Variants in PER2 observed in about 807,000 individuals in gnomAD.
PER2 encodes period circadian regulator 2.
Under a neutral mutation model 121.0 loss-of-function variants are expected in PER2, and 66 were observed. The observed-to-expected ratio is 0.55, with a 90% CI of 0.45 to 0.67. The LOEUF is 0.67. PER2 is among the 30% of genes least tolerant of loss of function. PER2 has a pLI of 0.00. For missense variants in PER2, 1,521 were observed against 1,635.0 expected (o/e 0.93, Z 1.20); for synonymous variants, 684 against 659.9 (o/e 1.04, Z -0.56).
At chr2:238,295,410 C>G in the PER2 span, 1 of 151,942 alleles carries the variant, frequency 6.6e-6, no homozygotes, top group Non-Finnish European at 1.5e-5. Flanking sequence ...GAGATGAGGT[C>G]TTGCTGGAGT....
At chr2:238,284,514 G>C (rs1021873853) in intron 1 of PER2, among the ~76,000 whole-genome samples, 1 of 151,984 alleles carries the variant, frequency 6.6e-6, no homozygotes, top group Admixed American at 6.6e-5. Context: ...TTGGAAGAGA[G>C]AGAATGAATT....
chr2:238,263,904 C>T (rs988417948), intron 9 of PER2, among the ~76,000 whole-genome samples: 10 of 151,770 alleles, frequency 6.6e-5, no homozygotes, highest in East Asian at 3.9e-4. Flanking sequence ...TCCTGGCATC[C>T]GTCCCATCAA....
intron 8 of PER2, among the ~76,000 whole-genome samples, chr2:238,267,711 G>C (rs1248436548): frequency 6.6e-6 from 1 of 152,194 alleles, no homozygotes; most frequent in Non-Finnish European, 1.5e-5. Flanking sequence ...CAGGGGATGA[G>C]GATGGGAAGG....
chr2:238,286,080 T>C (rs1574863733), intron 1 of PER2, among the ~76,000 whole-genome samples: 2 of 152,286 alleles, frequency 1.3e-5, no homozygotes, highest in African/African-American at 4.8e-5. Flanking sequence ...ACACCTTCAA[T>C]GATCTCAATT....
At chr2:238,277,097 A>C in intron 3 of PER2, 34 bp downstream of exon 3, 1 of 1,482,218 alleles carries the variant, frequency 6.7e-7, no homozygotes, top group Non-Finnish European at 9.4e-7. Context: ...AATTTCTCTA[A>C]AACCTCTATG....
Position 238,244,178 on chromosome 2 carries a change from A to G in PER2, c.*2197T>C, listed in dbSNP as rs1021469426. ...ACACAAACAAACCACTTGTCCAGCAAGGCTCAACAAATCATCACAGAAACT... is the reference window on the plus strand; with the variant it reads ...ACACAAACAAACCACTTGTCCAGCAGGGCTCAACAAATCATCACAGAAACT... On this transcript the variant is annotated 3_prime_UTR_variant, in exon 23 of 23. Transcript: ENST00000254657. 2.0e-5 allele frequency: 3 copies of G among 152,580 alleles called. No individual in the cohort carries two copies. The highest frequency in any genetic ancestry group is 7.2e-5 in the African/African-American group (3 of 41,458). 9.5% of individuals were successfully genotyped at this position (152,580 alleles called of 1,614,324 possible). A position where few individuals can be genotyped will look rare whatever the true frequency, so the allele number is the denominator to read the frequency against.
At position 238,271,651 on chromosome 2, in the gene PER2, C is replaced by T. The variant is rs934944; in HGVS notation, c.571-138G>A. On this transcript the variant is annotated intron_variant, in intron 5 of 22. Coordinates refer to ENST00000254657, the MANE Select transcript of PER2 (RefSeq NM_022817.3). ...GGCTCTCTGACTCCCTTGCCTAGCC[C>T]TCACCAAAAAATCCTATCTTGCCTG... The T allele has an allele frequency of 2.5e-3, 1,718 of 699,770 alleles. 26 individuals are homozygous for T. In the African/African-American group the frequency reaches 0.028, roughly 11 times the overall value. 43.3% of individuals were successfully genotyped at this position (699,770 alleles called of 1,614,324 possible).
chr2:238,265,444 G>C, intron 9 of PER2, 68 bp downstream of exon 9: 1 of 938,940 alleles, frequency 1.1e-6, no homozygotes, highest in Non-Finnish European at 1.8e-6. Context: ...CCAAGATGCA[G>C]TCTTGGCTTT....
At chr2:238,267,049 TAAAA>T (rs57177821) in intron 8 of PER2, among the ~76,000 whole-genome samples, 9 of 104,578 alleles carry the variant, frequency 8.6e-5, no homozygotes, top group African/African-American at 2.5e-4. Context: ...CTCCATCTCT[TAAAA>T]AAAAAAAAAA....
chr2:238,278,021 G>A, intron 1 of PER2, 66 bp from the exon 2 acceptor site: 1 of 1,541,040 alleles, frequency 6.5e-7, no homozygotes, highest in South Asian at 1.2e-5. Flanking sequence ...GCAGCCATCA[G>A]GTAGAGCACC....
Position 238,261,287 on chromosome 2 carries a change from G to A in PER2, c.1417-334C>T, listed in dbSNP as rs1467443494. On this transcript the variant is annotated intron_variant, in intron 12 of 22. Transcript: ENST00000254657. The stretch of plus-strand genomic sequence containing the variant: ...GATGCGATGACAGCTTCACTCCACA[G>A]TCTCCGGGAACTGACAGGCAGGCGC... 2.0e-5 allele frequency among the ~76,000 whole-genome samples: 3 copies of A among 152,364 alleles called. No individual in the cohort carries two copies. In the East Asian group the frequency reaches 5.8e-4, roughly 29 times the overall value.
chr2:238,277,914 G>A lies in PER2; in HGVS notation c.23C>T (p.Pro8Leu), dbSNP rs151226622. 196 of 1,613,856 alleles carry A rather than the reference G, an allele frequency of 1.2e-4. No individual in the cohort carries two copies. The highest frequency in any genetic ancestry group is 4.8e-4 in the South Asian group (44 of 91,066). Reference sequence around the variant, plus strand: ...CTTGGTGGGGTTACTGGGGCTGGGCGGAAATTCCGCGTATCCATTCATGCT... The same window carrying A: ...CTTGGTGGGGTTACTGGGGCTGGGCAGAAATTCCGCGTATCCATTCATGCT... MNGYAEF[P>L]PSPSNPTKEP... The change falls in exon 2 of 23, where the codon CCG becomes CTG. Residue 8 changes from proline (P) to leucine (L), a missense_variant. Transcript: ENST00000254657.
At chr2:238,279,484 C>T (rs1461974119) in intron 1 of PER2, among the ~76,000 whole-genome samples, 1 of 152,206 alleles carries the variant, frequency 6.6e-6, no homozygotes, top group East Asian at 1.9e-4. Flanking sequence ...CCCCACCCTA[C>T]ACCCAGGCTC....
upstream of PER2, among the ~76,000 whole-genome samples, chr2:238,291,108 C>A (rs984919581): frequency 6.6e-6 from 1 of 152,264 alleles, no homozygotes; most frequent in Non-Finnish European, 1.5e-5. Context: ...GCTGTTGGCA[C>A]TGTGGGAGGC....
chr2:238,275,363 A>C (rs1455112304), intron 4 of PER2, among the ~76,000 whole-genome samples: 1 of 152,182 alleles, frequency 6.6e-6, no homozygotes, highest in African/African-American at 2.4e-5. Flanking sequence ...GGAATTCTTC[A>C]AAGTTCTGGA....
intron 1 of PER2, among the ~76,000 whole-genome samples, chr2:238,280,895 T>A (rs1437964898): frequency 6.6e-6 from 1 of 151,740 alleles, no homozygotes; most frequent in Non-Finnish European, 1.5e-5. Flanking sequence ...AAGAAAGTCC[T>A]ACCAACATCC....
At chr2:238,293,058 T>C (rs1391499784), upstream of PER2, among the ~76,000 whole-genome samples, 1 of 148,372 alleles carries the variant, frequency 6.7e-6, no homozygotes, top group African/African-American at 2.5e-5. Flanking sequence ...TTTTTTTTCA[T>C]CATACATAGG....
intron 3 of PER2, among the ~76,000 whole-genome samples, chr2:238,276,526 G>A (rs963022663): frequency 2.6e-5 from 4 of 152,248 alleles, no homozygotes; most frequent in Non-Finnish European, 5.9e-5. Context: ...GAAGGACTGA[G>A]TGATGGGATT....
In PER2 at chr2:238,268,325, C is replaced by T; in HGVS notation, c.825-127G>A. The T allele has an allele frequency of 2.1e-6, 2 of 970,074 alleles. No homozygotes were observed. Among genetic ancestry groups the T allele is most frequent in the Non-Finnish European group, 3.2e-6 (2 of 628,664 alleles). The allele number at this position is 970,074 out of a possible 1,614,324, so 60.1% of individuals were successfully genotyped here. On this transcript the variant is annotated intron_variant, in intron 7 of 22. Coordinates refer to ENST00000254657, the MANE Select transcript of PER2 (RefSeq NM_022817.3). The surrounding 1 kb of genome is among the most constrained non-coding windows in gnomAD (Gnocchi z 4.0). ...GTGTACCTCTGCTCTGCCTGAGGAG[C>T]TGGGCCTGCCCCCTGCCCTCTTCGG...
Sources: allele counts gnomAD v4.1 joint callset (sites outside exome capture counted in the v4.1 genomes callset), GRCh38; gene constraint gnomAD v4.1.1; non-coding constraint Gnocchi (gnomAD v3.1); transcripts MANE v1.5; gene names NCBI Gene and HGNC (gene_info 2026-07-23, HGNC 2026-07-21).